The following HIVEP3 variants were observed in gnomAD, a reference collection of about 807,000 sequenced individuals.
HIVEP3 encodes HIVEP zinc finger 3.
In HIVEP3, 49 loss-of-function variants were observed where a neutral mutation model predicts 152.8. The observed-to-expected ratio is 0.32, with a 90% CI of 0.26 to 0.41. The LOEUF is 0.41. Among genes scored for constraint, HIVEP3 ranks in the 10% least tolerant of loss-of-function variants. The pLI is 1.00. For synonymous variants in HIVEP3, 1,269 were observed against 1,289.0 expected, an observed-to-expected ratio of 0.98 and a Z score of 0.33; for missense variants, 2,790 against 3,103.3, an observed-to-expected ratio of 0.90 and a Z score of 2.40.
At chr1:41,870,646 C>G (rs1644062635) in intron 1 of HIVEP3, among the ~76,000 whole-genome samples, 1 of 152,200 alleles carries the variant, frequency 6.6e-6, no homozygotes, top group South Asian at 2.1e-4. Flanking sequence ...ATCAATATGA[C>G]TTTTAAATTT....
At chr1:41,904,419 G>A (rs557472821) in intron 1 of HIVEP3, among the ~76,000 whole-genome samples, 115 of 152,290 alleles carry the variant, frequency 7.6e-4, no homozygotes, top group African/African-American at 2.7e-3. Context: ...CCCAGGGCTT[G>A]CCCAGACCAA....
intron 1 of HIVEP3, among the ~76,000 whole-genome samples, chr1:41,853,464 T>C (rs1440152201): frequency 6.6e-6 from 1 of 152,146 alleles, no homozygotes. Flanking sequence ...CAAACAATTA[T>C]AAAACCATCA....
intron 1 of HIVEP3, among the ~76,000 whole-genome samples, chr1:41,727,064 C>T (rs1011067740): frequency 6.6e-6 from 1 of 152,142 alleles, no homozygotes; most frequent in African/African-American, 2.4e-5. Context: ...GTGTGGGCGC[C>T]CAGTGTTGGG....
chr1:41,633,501 TG>T (rs961448944), intron 2 of HIVEP3, among the ~76,000 whole-genome samples: 5 of 152,168 alleles, frequency 3.3e-5, no homozygotes, highest in African/African-American at 1.2e-4. Context: ...AGGGAGGTAC[TG>T]GGAGCAGAAA....
Position 41,584,511 on chromosome 1 carries a change from G to A in HIVEP3, c.287C>T (p.Pro96Leu), listed in dbSNP as rs142189176. 120 of 1,614,036 alleles carry A rather than the reference G, an allele frequency of 7.4e-5. No homozygotes were observed. The highest frequency in any genetic ancestry group is 9.1e-5 in the Non-Finnish European group (107 of 1,180,048). ...GAATGCTGGTGTCAGAGGGTGCTGC[G>A]GAAGCTGTGAGATGTGGACGGATGC... ...IEASVHISQLPQHPLTPAFMS... is the reference protein window; with the variant it reads ...IEASVHISQLLQHPLTPAFMS... Residue 96 changes from proline to leucine, a missense_variant, in exon 4 of 9, where the codon CCG becomes CTG. By Grantham distance (98) the Pro-to-Leu change is moderately conservative. This residue lies in a region of HIVEP3 where 209 missense variants were observed against 237.0 expected (regional missense o/e 0.88). Transcript: ENST00000372583. The surrounding 1 kb of genome is among the most constrained non-coding windows in gnomAD (Gnocchi z 5.2).
intron 1 of HIVEP3, among the ~76,000 whole-genome samples, chr1:41,711,168 A>G (rs1049030972): frequency 3.9e-5 from 6 of 152,138 alleles, no homozygotes; most frequent in African/African-American, 1.4e-4. Flanking sequence ...GGCTTCTCTC[A>G]ATTAGTAGCC....
chr1:42,023,866 A>G (rs1645568027), intron 1 of HIVEP3, among the ~76,000 whole-genome samples: 1 of 152,174 alleles, frequency 6.6e-6, no homozygotes. Context: ...GTGTAAAGTG[A>G]TAGTCGAATT....
At chr1:42,019,103 C>G (rs944686186) in intron 1 of HIVEP3, among the ~76,000 whole-genome samples, 1 of 151,980 alleles carries the variant, frequency 6.6e-6, no homozygotes, top group Non-Finnish European at 1.5e-5. Flanking sequence ...GGCCATTTGT[C>G]TATTTTAGCA....
rs568142488 is a variant in HIVEP3 at position 41,749,249 on chromosome 1, G to A, written c.-800-48254C>T. 3.9e-5 allele frequency among the ~76,000 whole-genome samples: 6 copies of A among 152,242 alleles called. No homozygotes were observed. The East Asian group carries it at 9.6e-4, about 24-fold the overall frequency. On this transcript the variant is annotated intron_variant, in intron 1 of 8. Coordinates refer to ENST00000372583, the MANE Select transcript of HIVEP3 (RefSeq NM_024503.5). ...ACACTTGGCACTCCTGGTAGGGATG[G>A]GTCACCCTCTGGCATCCATGACCAT...
At chr1:41,833,197 C>T (rs952499852) in intron 1 of HIVEP3, among the ~76,000 whole-genome samples, 2 of 152,218 alleles carry the variant, frequency 1.3e-5, no homozygotes, top group Non-Finnish European at 2.9e-5. Flanking sequence ...TTCAAAGGAG[C>T]AAATGCCTGG....
At chr1:41,823,153 C>T (rs541448230) in intron 1 of HIVEP3, among the ~76,000 whole-genome samples, 2 of 152,210 alleles carry the variant, frequency 1.3e-5, no homozygotes, top group Non-Finnish European at 2.9e-5. Flanking sequence ...AAGAAGGCAA[C>T]CGTCAGCAAG....
At chr1:41,940,276 G>A (rs957563280) in intron 1 of HIVEP3, among the ~76,000 whole-genome samples, 26 of 152,248 alleles carry the variant, frequency 1.7e-4, no homozygotes, top group African/African-American at 6.3e-4. Flanking sequence ...GAGTCATTAA[G>A]TTATTTGTCA....
chr1:41,857,983 A>ATCTCTCTC (rs56967197), intron 1 of HIVEP3, among the ~76,000 whole-genome samples: 2,931 of 148,566 alleles, frequency 0.02, 43 homozygotes, highest in Non-Finnish European at 0.022. Flanking sequence ...CAATCAATCA[A>ATCTCTCTC]TCTCTCTCTC....
At chr1:41,778,828 A>T (rs1373618087) in intron 1 of HIVEP3, among the ~76,000 whole-genome samples, 1 of 152,150 alleles carries the variant, frequency 6.6e-6, no homozygotes, top group African/African-American at 2.4e-5. Context: ...GAGCATGATG[A>T]GGGGTCTATG....
At chr1:41,999,769 A>T (rs1314997193) in intron 1 of HIVEP3, among the ~76,000 whole-genome samples, 3 of 152,206 alleles carry the variant, frequency 2.0e-5, no homozygotes, top group Non-Finnish European at 1.5e-5. Flanking sequence ...AACATAAAGG[A>T]AGGCACAGAG....
At chr1:41,957,521 T>A (rs1645146242) in intron 1 of HIVEP3, among the ~76,000 whole-genome samples, 1 of 152,340 alleles carries the variant, frequency 6.6e-6, no homozygotes, top group South Asian at 2.1e-4. Context: ...ATGCCCTTTA[T>A]GCTCTATAAA....
At chr1:41,770,250 G>A (rs913130838) in intron 1 of HIVEP3, among the ~76,000 whole-genome samples, 1 of 152,174 alleles carries the variant, frequency 6.6e-6, no homozygotes, top group Non-Finnish European at 1.5e-5. Flanking sequence ...TGGGATTACA[G>A]ATGAATGCTA....
chr1:41,757,363 C>T (rs529964300), intron 1 of HIVEP3, among the ~76,000 whole-genome samples: 1 of 151,926 alleles, frequency 6.6e-6, no homozygotes, highest in African/African-American at 2.4e-5. Flanking sequence ...GTGATCCACC[C>T]GTCTCGGCCT....
intron 1 of HIVEP3, among the ~76,000 whole-genome samples, chr1:41,784,754 T>C (rs1649248864): frequency 6.6e-6 from 1 of 152,260 alleles, no homozygotes. Context: ...AATTCTATTG[T>C]AGTCTTCTTA....
Sources: allele counts gnomAD v4.1 joint callset (sites outside exome capture counted in the v4.1 genomes callset), GRCh38; gene constraint gnomAD v4.1.1; regional missense constraint gnomAD v4.1.1; non-coding constraint Gnocchi (gnomAD v3.1); transcripts MANE v1.5; gene names NCBI Gene and HGNC (gene_info 2026-07-23, HGNC 2026-07-21).